Variants in CNBD2 observed in about 807,000 individuals in gnomAD.
CNBD2 encodes the protein cyclic nucleotide-binding domain-containing protein 2.
Under a neutral mutation model 63.7 loss-of-function variants are expected in CNBD2, and 64 were observed. The ratio of observed to expected loss-of-function variants is 1.00; its 90% CI spans 0.82 to 1.24. The LOEUF is 1.24. CNBD2 is among the 50% of genes most tolerant of loss of function. CNBD2 has a pLI of 0.00. For synonymous variants in CNBD2, 229 were observed against 255.4 expected, an observed-to-expected ratio of 0.90 and a Z score of 0.99; for missense variants, 691 against 713.5, an observed-to-expected ratio of 0.97 and a Z score of 0.36.
rs768664765 is a variant in CNBD2 at position 36,023,637 on chromosome 20, C to T, written c.1305C>T (p.Cys435=). 7.5e-6 allele frequency: 12 copies of T among 1,609,490 alleles called. No individual in the cohort carries two copies. In the African/African-American group the frequency reaches 9.4e-5, roughly 13 times the overall value. Residue 435 remains cysteine (C), a synonymous_variant, in exon 11 of 12, where the codon TGC becomes TGT. Transcript: ENST00000373973. ...LHQAFLPEGE[C]DTRPLILMSL... ...AGGCCTTCCTTCCAGAGGGTGAATG[C>T]GACACACGACCCTTGATCCTGATGA...
At chr20:35,989,113 A>G (rs892372886) in intron 7 of CNBD2, among the ~76,000 whole-genome samples, 6 of 152,140 alleles carry the variant, frequency 3.9e-5, no homozygotes, top group African/African-American at 1.4e-4. Flanking sequence ...TTCCCATTTT[A>G]CAGAGGAGGA....
At chr20:35,954,459 A>G, upstream of CNBD2, 1 of 1,548,546 alleles carries the variant, frequency 6.5e-7, no homozygotes, top group Non-Finnish European at 8.7e-7. Context: ...TGCACCAGCG[A>G]AGCGCCTGCG....
chr20:36,012,542 A>G (rs1358640800), intron 10 of CNBD2, among the ~76,000 whole-genome samples: 1 of 151,838 alleles, frequency 6.6e-6, no homozygotes, highest in African/African-American at 2.4e-5. Flanking sequence ...CTAATTTCTA[A>G]AAAATTCAAT....
intron 10 of CNBD2, among the ~76,000 whole-genome samples, chr20:36,021,131 C>T (rs538704998): frequency 6.6e-6 from 1 of 152,160 alleles, no homozygotes; most frequent in Admixed American, 6.5e-5. Flanking sequence ...CACATAAGTA[C>T]AATTTTAAAA....
chr20:35,959,361 G>T (rs1220770113), downstream of CNBD2: 1 of 152,186 alleles, frequency 6.6e-6, no homozygotes, highest in Admixed American at 6.5e-5. Context: ...TGCTAATAAA[G>T]ACATACCCAA....
chr20:35,982,727 A>G (rs1042435207), intron 4 of CNBD2, among the ~76,000 whole-genome samples: 3 of 146,094 alleles, frequency 2.1e-5, no homozygotes, highest in Non-Finnish European at 4.5e-5. Flanking sequence ...ATTGTGCCCA[A>G]TTTTTTTTTT....
At chr20:36,023,110 C>T (rs528342706) in intron 10 of CNBD2, among the ~76,000 whole-genome samples, 1 of 152,262 alleles carries the variant, frequency 6.6e-6, no homozygotes, top group Admixed American at 6.5e-5. Flanking sequence ...TCTAATTCCA[C>T]GGTTAGAGGA....
At chr20:36,018,950 G>A (rs1345195473) in intron 10 of CNBD2, among the ~76,000 whole-genome samples, 1 of 152,160 alleles carries the variant, frequency 6.6e-6, no homozygotes, top group East Asian at 1.9e-4. Context: ...CTCCATTTGG[G>A]TCACTCATTC....
At chr20:36,017,607 C>A (rs975889728) in intron 10 of CNBD2, among the ~76,000 whole-genome samples, 2 of 152,184 alleles carry the variant, frequency 1.3e-5, no homozygotes, top group Admixed American at 1.3e-4. Flanking sequence ...CTGCCCTGTT[C>A]CCCAAAACAG....
intron 10 of CNBD2, among the ~76,000 whole-genome samples, chr20:36,016,704 G>A (rs889556269): frequency 7.9e-5 from 12 of 150,970 alleles, no homozygotes; most frequent in Admixed American, 2.6e-4. Context: ...CAGGAGAATC[G>A]CTTGAACCCA....
At chr20:35,968,883 G>T (rs1164769010) in intron 1 of CNBD2, 70 bp downstream of exon 1, 3 of 1,237,634 alleles carry the variant, frequency 2.4e-6, no homozygotes, top group Non-Finnish European at 3.5e-6. Flanking sequence ...GAGGAAGGTC[G>T]ATGCAGGTGT....
intron 1 of CNBD2, among the ~76,000 whole-genome samples, chr20:35,971,408 G>A (rs2056415973): frequency 6.6e-6 from 1 of 151,952 alleles, no homozygotes; most frequent in African/African-American, 2.4e-5. Context: ...CTAATGTACA[G>A]TCATATTCAA....
chr20:36,030,433 G>C lies in CNBD2; in HGVS notation c.1516G>C (p.Val506Leu). Residue 506 changes from valine to leucine, a missense_variant, in exon 12 of 12, where the codon GTG (valine) becomes CTG (leucine). Val to Leu is a conservative substitution (Grantham distance 32). Transcript: ENST00000373973. Reference protein sequence around the residue: ...IFRKDLLQLLVEPCQSQLFTP... With the variant: ...IFRKDLLQLLLEPCQSQLFTP... ...TCGGAAGGACCTGTTGCAGCTGCTC[G>C]TGGAGCCTTGCCAAAGTCAACTGTT... 2 of 1,614,108 alleles carry C rather than the reference G, an allele frequency of 1.2e-6. No individual in the cohort carries two copies. Among genetic ancestry groups the C allele is most frequent in the East Asian group, 2.2e-5 (1 of 44,880 alleles).
rs965004335 is a variant in CNBD2 at position 35,971,309 on chromosome 20, A to G, written c.52-1320A>G. ...TTGAAAGTAAGCTGCATACTTTATG[A>G]CATATCTTTCTTAAAAATAATGACA... On this transcript the variant is annotated intron_variant, in intron 1 of 11. Transcript: ENST00000373973. Among the ~76,000 whole-genome samples the G allele has an allele frequency of 3.9e-5, 6 of 152,162 alleles. No individual in the cohort carries two copies. In the East Asian group the frequency reaches 9.6e-4, roughly 24 times the overall value.
rs753206662 is a variant in CNBD2, at chr20:36,022,195, CTTTTTTTTTTTT to C, written c.1270-1396_1270-1385del. Among the ~76,000 whole-genome samples, 3 of 56,310 alleles carry C rather than the reference CTTTTTTTTTTTT, an allele frequency of 5.3e-5. No homozygotes were observed. In the South Asian group the frequency reaches 2.2e-3, roughly 42 times the overall value. 36.9% of individuals were successfully genotyped at this position (56,310 alleles called of 152,430 possible). A position where few individuals can be genotyped will look rare whatever the true frequency, so the allele number is the denominator to read the frequency against. ...ATGCCCGGCTAATTCTTTTTTTTTTCTTTTTTTTTTTTTTTTTTTTTTGAGATGGAGTCTCGC... is the reference window on the plus strand; with the variant it reads ...ATGCCCGGCTAATTCTTTTTTTTTTCTTTTTTTTTTGAGATGGAGTCTCGC... On this transcript the variant is annotated intron_variant, in intron 10 of 11. Coordinates refer to ENST00000373973, the MANE Select transcript of CNBD2 (RefSeq NM_001365709.1).
exon 1 of CNBD2, chr20:35,955,213 G>T (rs955461080): frequency 1.9e-5 from 3 of 157,278 alleles, no homozygotes; most frequent in Non-Finnish European, 4.4e-5. Context: ...GATAACCCTC[G>T]AAATATAGCG....
intron 8 of CNBD2, among the ~76,000 whole-genome samples, 172 bp downstream of exon 8, chr20:35,995,324 C>T (rs2147274602): frequency 6.6e-6 from 1 of 150,672 alleles, no homozygotes; most frequent in Non-Finnish European, 1.5e-5. Context: ...TCCTTTCCAG[C>T]CTTTTTTTTT....
chr20:36,003,409 G>A (rs764948410), intron 8 of CNBD2, among the ~76,000 whole-genome samples: 27 of 152,122 alleles, frequency 1.8e-4, no homozygotes, highest in Non-Finnish European at 3.1e-4. Flanking sequence ...TTAAGATGTA[G>A]TTACTTGGAA....
chr20:35,954,599 C>G (rs753758028), upstream of CNBD2: 1 of 1,397,272 alleles, frequency 7.2e-7, no homozygotes, highest in South Asian at 1.3e-5. Context: ...CTGCTGCCCT[C>G]GCGGTGCGGG....
Sources: allele counts gnomAD v4.1 joint callset (sites outside exome capture counted in the v4.1 genomes callset), GRCh38; gene constraint gnomAD v4.1.1; transcripts MANE v1.5; gene names NCBI Gene and HGNC (gene_info 2026-07-23, HGNC 2026-07-21).